The following DTNB variants were observed in gnomAD, a reference collection of about 807,000 sequenced individuals.
DTNB encodes dystrobrevin beta.
DTNB carries 63 observed loss-of-function variants against 90.7 expected under a neutral mutation model. The ratio of observed to expected loss-of-function variants is 0.69; its 90% CI spans 0.57 to 0.86. The LOEUF is 0.86. Among genes scored for constraint, DTNB ranks in the 40% least tolerant of loss-of-function variants. DTNB has a pLI of 0.00. For missense variants in DTNB, 744 were observed against 807.1 expected (o/e 0.92, Z 0.95); for synonymous variants, 277 against 286.7 (o/e 0.97, Z 0.34).
At chr2:25,428,503 T>C (rs2052667809) in intron 14 of DTNB, among the ~76,000 whole-genome samples, 1 of 151,506 alleles carries the variant, frequency 6.6e-6, no homozygotes, top group Non-Finnish European at 1.5e-5. Context: ...TGCCATCTTG[T>C]CTCAACTGCA....
intron 1 of DTNB, among the ~76,000 whole-genome samples, chr2:25,670,216 A>T (rs2085503217): frequency 6.6e-6 from 1 of 152,240 alleles, no homozygotes; most frequent in Admixed American, 6.5e-5. Context: ...GTATGGTATG[A>T]TGTCATTAAT....
intron 10 of DTNB, among the ~76,000 whole-genome samples, chr2:25,482,141 C>G (rs1185640069): frequency 1.3e-5 from 2 of 152,088 alleles, no homozygotes; most frequent in Non-Finnish European, 2.9e-5. Context: ...TTGCATTGCT[C>G]TGGGTCATGG....
chr2:25,666,965 T>C (rs902328753), intron 1 of DTNB, among the ~76,000 whole-genome samples: 1 of 151,916 alleles, frequency 6.6e-6, no homozygotes, highest in Non-Finnish European at 1.5e-5. Flanking sequence ...TGGGAAGATA[T>C]AAACAGCCTC....
intron 16 of DTNB, among the ~76,000 whole-genome samples, chr2:25,390,895 CTT>C (rs34194776): frequency 1.1e-4 from 15 of 135,832 alleles, no homozygotes; most frequent in Admixed American, 2.2e-4. Context: ...TAGGTAATGA[CTT>C]TTTTTTTTTT....
intron 15 of DTNB, among the ~76,000 whole-genome samples, chr2:25,425,985 T>C (rs1254885913): frequency 6.6e-6 from 1 of 152,166 alleles, no homozygotes; most frequent in Non-Finnish European, 1.5e-5. Context: ...GAGGATCCCT[T>C]GGACCCAGCT....
chr2:25,455,422 A>G lies in DTNB; in HGVS notation c.1152T>C (p.Arg384=). 1 of 1,601,746 alleles carries G rather than the reference A, an allele frequency of 6.2e-7. No homozygotes were observed. The highest frequency in any genetic ancestry group is 8.5e-7 in the Non-Finnish European group (1 of 1,174,554). ...CCACTGACCGTGCACAGTGCTGCAG[A>G]CGGGCCACATAGGAGGCTATCAGCG... ...EHALIASYVA[R]LQHCARVLDS... The change falls in exon 11 of 21, where the codon CGT becomes CGC. Residue 384 remains arginine (R), a synonymous_variant. Transcript: ENST00000406818.
At chr2:25,568,122 C>G (rs530610146) in intron 8 of DTNB, among the ~76,000 whole-genome samples, 9 of 150,466 alleles carry the variant, frequency 6.0e-5, no homozygotes, top group Admixed American at 2.6e-4. Context: ...CACGCCACTG[C>G]ACTCCAGCCT....
At chr2:25,538,688 T>C (rs1051792996) in intron 8 of DTNB, among the ~76,000 whole-genome samples, 2 of 152,018 alleles carry the variant, frequency 1.3e-5, no homozygotes, top group African/African-American at 2.4e-5. Context: ...CTGACCTCAG[T>C]TGAACCACCC....
chr2:25,574,144 G>A (rs2060306262), intron 8 of DTNB, among the ~76,000 whole-genome samples: 1 of 152,198 alleles, frequency 6.6e-6, no homozygotes, highest in Admixed American at 6.5e-5. Flanking sequence ...GTCTAGACAT[G>A]TGCCAACAAG....
At chr2:25,379,396 G>C in intron 19 of DTNB, 73 bp from the exon 20 acceptor site, 1 of 1,288,400 alleles carries the variant, frequency 7.8e-7, no homozygotes, top group South Asian at 3.6e-5. Context: ...CTATCTCAAA[G>C]GGGCTTCCCT....
chr2:25,489,570 T>G (rs1286358317), intron 9 of DTNB, among the ~76,000 whole-genome samples: 1 of 152,132 alleles, frequency 6.6e-6, no homozygotes, highest in Non-Finnish European at 1.5e-5. Context: ...ACAGTCCCAG[T>G]TATGCAGGAG....
intron 2 of DTNB, among the ~76,000 whole-genome samples, chr2:25,649,668 G>A (rs1452419567): frequency 2.6e-5 from 4 of 152,076 alleles, no homozygotes; most frequent in South Asian, 4.1e-4. Flanking sequence ...GCAGTGAGCC[G>A]TGATCATACC....
chr2:25,452,986 CT>C (rs2059496427), intron 11 of DTNB, among the ~76,000 whole-genome samples: 1 of 151,634 alleles, frequency 6.6e-6, no homozygotes, highest in Non-Finnish European at 1.5e-5. Flanking sequence ...GAGAGATAAA[CT>C]ATAATATTTG....
chr2:25,438,666 T>C (rs1233724657), intron 12 of DTNB, among the ~76,000 whole-genome samples: 1 of 152,242 alleles, frequency 6.6e-6, no homozygotes, highest in Non-Finnish European at 1.5e-5. Context: ...TACTCTGCCC[T>C]CAAGGAGGTG....
At chr2:25,639,268 TCTCCAG>T in intron 2 of DTNB, 174 bp from the exon 3 acceptor site, 1 of 530,154 alleles carries the variant, frequency 1.9e-6, no homozygotes, top group Admixed American at 3.3e-5. Flanking sequence ...AACACGTGCA[TCTCCAG>T]TATGTGCAGG....
At chr2:25,546,211 G>T (rs1308091867) in intron 8 of DTNB, among the ~76,000 whole-genome samples, 2 of 152,156 alleles carry the variant, frequency 1.3e-5, no homozygotes, top group Non-Finnish European at 2.9e-5. Context: ...TGCATAAGTG[G>T]ACCAGGGTGG....
intron 16 of DTNB, 195 bp from the exon 17 acceptor site, chr2:25,388,556 G>T: frequency 1.5e-6 from 1 of 660,774 alleles, no homozygotes; most frequent in South Asian, 2.2e-5. Flanking sequence ...GGAAGGGGGC[G>T]TGCAGGGCAG....
intron 2 of DTNB, chr2:25,650,097 T>C (rs943856569): frequency 2.0e-6 from 2 of 985,358 alleles, no homozygotes; most frequent in African/African-American, 3.5e-5. Context: ...GTAAGAGTAG[T>C]AACATTCACA....
At chr2:25,561,522 A>C (rs2058256576) in intron 8 of DTNB, among the ~76,000 whole-genome samples, 1 of 152,224 alleles carries the variant, frequency 6.6e-6, no homozygotes, top group South Asian at 2.1e-4. Context: ...GTCCCCTCCA[A>C]ATCTCATGTT....
Sources: allele counts gnomAD v4.1 joint callset (sites outside exome capture counted in the v4.1 genomes callset), GRCh38; gene constraint gnomAD v4.1.1; transcripts MANE v1.5; gene names NCBI Gene and HGNC (gene_info 2026-07-23, HGNC 2026-07-21).